CTNND2: variants seen among roughly 807,000 people sequenced by gnomAD.
CTNND2 encodes the protein catenin delta-2.
Under a neutral mutation model 144.4 loss-of-function variants are expected in CTNND2, and 22 were observed. The observed-to-expected ratio is 0.15, with a 90% CI of 0.11 to 0.22. CTNND2 has a LOEUF of 0.22. CTNND2 is among the 10% of genes least tolerant of loss of function. The pLI is 1.00. For synonymous variants in CTNND2, 751 were observed against 695.6 expected (o/e 1.08, Z -1.25); for missense variants, 1,353 against 1,618.8 (o/e 0.84, Z 2.82).
intron 2 of CTNND2, among the ~76,000 whole-genome samples, chr5:11,580,778 T>C (rs899462830): frequency 6.6e-6 from 1 of 152,250 alleles, no homozygotes; most frequent in Non-Finnish European, 1.5e-5. Flanking sequence ...TTCTATCTTC[T>C]GTTCTACTTC....
At chr5:11,706,846 G>A (rs1157752009) in intron 2 of CTNND2, among the ~76,000 whole-genome samples, 2 of 152,088 alleles carry the variant, frequency 1.3e-5, no homozygotes, top group African/African-American at 4.8e-5. Context: ...AGCACTTTGG[G>A]AGGCTGAGGC....
chr5:11,887,029 G>A (rs1174432447), intron 1 of CTNND2, among the ~76,000 whole-genome samples: 1 of 130,934 alleles, frequency 7.6e-6, no homozygotes, highest in African/African-American at 2.8e-5. Context: ...TGTCACCCAG[G>A]CTGGAGTGCG....
chr5:11,881,497 T>G (rs1056515533), intron 1 of CTNND2, among the ~76,000 whole-genome samples: 15 of 152,040 alleles, frequency 9.9e-5, no homozygotes, highest in Non-Finnish European at 1.9e-4. Flanking sequence ...GAGATGAAAT[T>G]TTTTAGCTCC....
At chr5:11,394,811 C>T (rs1411269307) in intron 6 of CTNND2, among the ~76,000 whole-genome samples, 1 of 152,220 alleles carries the variant, frequency 6.6e-6, no homozygotes, top group Admixed American at 6.5e-5. Context: ...AAATTAGAAT[C>T]TTTGAGCATT....
intron 1 of CTNND2, among the ~76,000 whole-genome samples, chr5:11,865,900 G>GAAAAAAAAAAAAAAA (rs1158282150): frequency 1.4e-4 from 1 of 7,044 alleles, no homozygotes; most frequent in East Asian, 5.5e-3. Flanking sequence ...AGCTGGAAGA[G>GAAAAAAAAAAAAAAA]ACAAAAAAAA....
intron 7 of CTNND2, among the ~76,000 whole-genome samples, chr5:11,366,073 C>T (rs1004062546): frequency 6.6e-6 from 1 of 152,200 alleles, no homozygotes; most frequent in African/African-American, 2.4e-5. Flanking sequence ...TGCTGGGATT[C>T]CTTGATCTTG....
intron 11 of CTNND2, among the ~76,000 whole-genome samples, chr5:11,192,196 G>A (rs776918658): frequency 6.6e-5 from 10 of 152,268 alleles, no homozygotes; most frequent in South Asian, 4.2e-4. Flanking sequence ...ATCTCCCTTC[G>A]AGTGGGAAAT....
rs549096756 is a variant in CTNND2 at position 11,320,470 on chromosome 5, A to C, written c.1628+25902T>G. 4.2e-4 allele frequency among the ~76,000 whole-genome samples: 64 copies of C among 152,298 alleles called. No homozygotes were observed. The South Asian group carries it at 0.013, about 31-fold the overall frequency. ...CAATCAGCTGAAGAACTGAAAAGGAAAAAGTATTGTATTAGTCCATTTTCA... is the reference window on the plus strand; with the variant it reads ...CAATCAGCTGAAGAACTGAAAAGGACAAAGTATTGTATTAGTCCATTTTCA... On this transcript the variant is annotated intron_variant, in intron 9 of 21. Transcript: ENST00000304623.
At chr5:11,872,645 CT>C (rs1735231836) in intron 1 of CTNND2, among the ~76,000 whole-genome samples, 1 of 150,536 alleles carries the variant, frequency 6.6e-6, no homozygotes, top group Admixed American at 6.7e-5. Flanking sequence ...TGATGATGAG[CT>C]TTTTTTCATG....
chr5:11,076,022 A>G (rs1443211194), intron 16 of CTNND2, among the ~76,000 whole-genome samples: 2 of 152,368 alleles, frequency 1.3e-5, no homozygotes, highest in South Asian at 2.1e-4. Flanking sequence ...TCTTGTTATG[A>G]GCATAGCAAA....
chr5:11,885,820 C>A (rs926986825), intron 1 of CTNND2, among the ~76,000 whole-genome samples: 1 of 152,072 alleles, frequency 6.6e-6, no homozygotes, highest in African/African-American at 2.4e-5. Flanking sequence ...AAAATCATAT[C>A]AAGTACATTT....
intron 9 of CTNND2, among the ~76,000 whole-genome samples, chr5:11,245,757 A>G (rs1440219829): frequency 6.6e-6 from 1 of 152,206 alleles, no homozygotes; most frequent in Non-Finnish European, 1.5e-5. Context: ...ACAGAAGCCC[A>G]TCTGACCCCA....
At chr5:11,030,184 T>C (rs1025702411) in intron 16 of CTNND2, among the ~76,000 whole-genome samples, 3 of 152,196 alleles carry the variant, frequency 2.0e-5, no homozygotes, top group Non-Finnish European at 4.4e-5. Context: ...TTTATCTATG[T>C]CTTTCAACAA....
chr5:11,564,835 T>A (rs762703490), intron 3 of CTNND2, 109 bp downstream of exon 3: 10 of 699,398 alleles, frequency 1.4e-5, no homozygotes, highest in Non-Finnish European at 2.5e-5. Context: ...CTTTCCAACG[T>A]TTGACTGAAT....
intron 2 of CTNND2, among the ~76,000 whole-genome samples, chr5:11,695,620 T>G (rs955318148): frequency 6.6e-6 from 1 of 152,240 alleles, no homozygotes; most frequent in Non-Finnish European, 1.5e-5. Flanking sequence ...CAATGTCACA[T>G]TCACATTTAT....
chr5:11,470,763 T>C (rs1289782764), intron 3 of CTNND2, among the ~76,000 whole-genome samples: 4 of 151,720 alleles, frequency 2.6e-5, no homozygotes, highest in East Asian at 1.9e-4. Context: ...AAATGTTTTG[T>C]AGAATGTCCC....
At chr5:11,758,225 T>G (rs1290849618) in intron 1 of CTNND2, among the ~76,000 whole-genome samples, 2 of 152,032 alleles carry the variant, frequency 1.3e-5, no homozygotes, top group Non-Finnish European at 2.9e-5. Context: ...AATTTGTATT[T>G]TTAATTGATA....
chr5:11,835,417 C>T (rs1794124312), intron 1 of CTNND2, among the ~76,000 whole-genome samples: 1 of 152,120 alleles, frequency 6.6e-6, no homozygotes, highest in Non-Finnish European at 1.5e-5. Context: ...GTAGAATTCA[C>T]TTCACCGGGA....
At chr5:11,395,347 A>G (rs567396659) in intron 6 of CTNND2, among the ~76,000 whole-genome samples, 93 of 152,358 alleles carry the variant, frequency 6.1e-4, no homozygotes, top group African/African-American at 1.9e-3. Context: ...GAATTCAGAT[A>G]TTCCACAATG....
Sources: gnomAD v4.1 joint callset for allele counts (sites outside exome capture counted in the v4.1 genomes callset) on GRCh38, gnomAD v4.1.1 for gene constraint, MANE v1.5 for transcripts, NCBI Gene and HGNC (gene_info 2026-07-23, HGNC 2026-07-21) for gene names.